Variants in FAM81A observed in about 807,000 individuals in gnomAD.
FAM81A encodes the protein protein FAM81A.
FAM81A carries 19 observed loss-of-function variants against 46.7 expected under a neutral mutation model. That is an observed-to-expected ratio of 0.41 (90% CI 0.28 to 0.60). The LOEUF (loss-of-function observed/expected upper bound fraction) is 0.60. FAM81A is among the 20% of genes least tolerant of loss of function. FAM81A has a pLI of 0.34. For synonymous variants in FAM81A, 183 were observed against 152.9 expected, an observed-to-expected ratio of 1.20 and a Z score of -1.45; for missense variants, 377 against 453.5, an observed-to-expected ratio of 0.83 and a Z score of 1.53.
chr15:59,497,748 A>T (rs2141778249), intron 4 of FAM81A, among the ~76,000 whole-genome samples: 1 of 152,242 alleles, frequency 6.6e-6, no homozygotes, highest in Admixed American at 6.5e-5. Flanking sequence ...TTAGCTGGGC[A>T]TGGTGGCACA....
chr15:59,521,552 T>C lies in FAM81A; in HGVS notation c.*174T>C, dbSNP rs2082328597. ...ACCTTGAGTCTTGAAAATACTCTTT[T>C]GTTAAAAGTATGAAATACAGTTTTT... On this transcript the variant is annotated 3_prime_UTR_variant, in exon 9 of 9. Coordinates refer to ENST00000288228, the MANE Select transcript of FAM81A (RefSeq NM_152450.3). 1.6e-6 allele frequency: 1 copy of C among 615,008 alleles called. No homozygotes were observed. Among genetic ancestry groups the C allele is most frequent in the Non-Finnish European group, 2.4e-6 (1 of 409,720 alleles). 38.1% of individuals were successfully genotyped at this position (615,008 alleles called of 1,614,324 possible). A position where few individuals can be genotyped will look rare whatever the true frequency, so the allele number is the denominator to read the frequency against.
At chr15:59,504,220 TAA>T (rs1312640544) in intron 4 of FAM81A, among the ~76,000 whole-genome samples, 2 of 152,154 alleles carry the variant, frequency 1.3e-5, no homozygotes, top group Non-Finnish European at 2.9e-5. Context: ...GAACTCAAAA[TAA>T]AAAATCAGGG....
upstream of FAM81A, among the ~76,000 whole-genome samples, chr15:59,435,190 G>A (rs1004510428): frequency 7.9e-5 from 12 of 152,304 alleles, no homozygotes; most frequent in African/African-American, 2.9e-4. Context: ...GGGAGGCTGA[G>A]GCGGGAGAAT....
intron 3 of FAM81A, among the ~76,000 whole-genome samples, chr15:59,475,231 G>A (rs933857006): frequency 6.0e-5 from 9 of 151,184 alleles, no homozygotes; most frequent in Non-Finnish European, 1.2e-4. Context: ...TGCAACCTCC[G>A]CCTCCCAGGT....
At chr15:59,486,799 A>T (rs1292565312) in intron 3 of FAM81A, among the ~76,000 whole-genome samples, 4 of 152,206 alleles carry the variant, frequency 2.6e-5, no homozygotes, top group African/African-American at 9.7e-5. Flanking sequence ...CTATACTTCA[A>T]ACTTGAAGGA....
chr15:59,404,647 G>A (rs140954949), intron 2 of FAM81A, among the ~76,000 whole-genome samples: 2 of 152,184 alleles, frequency 1.3e-5, no homozygotes, highest in East Asian at 3.9e-4. Context: ...TGTAGAGATG[G>A]AGTCTCACTA....
At chr15:59,445,593 C>T (rs2081346064) in intron 1 of FAM81A, 1 of 152,176 alleles carries the variant, frequency 6.6e-6, no homozygotes, top group African/African-American at 2.4e-5. Context: ...CCTCCTCTCT[C>T]TGAGTGTGTG....
intron 4 of FAM81A, among the ~76,000 whole-genome samples, chr15:59,501,700 T>C (rs1436411030): frequency 6.6e-6 from 1 of 152,170 alleles, no homozygotes; most frequent in African/African-American, 2.4e-5. Context: ...ATAGAGTCAC[T>C]CTGCCACCTG....
At chr15:59,459,676 T>C (rs2081527045) in intron 2 of FAM81A, among the ~76,000 whole-genome samples, 1 of 152,112 alleles carries the variant, frequency 6.6e-6, no homozygotes, top group African/African-American at 2.4e-5. Context: ...GACATCTCGG[T>C]GTACCCAACT....
At position 59,460,595 on chromosome 15, in the gene FAM81A, T is replaced by G; in HGVS notation, c.294+389T>G. ...ACTCTGTTGCTTCAGATTAAATGTT[T>G]CTAGGTCATAATGATTATATGTAAT... On this transcript the variant is annotated intron_variant, in intron 3 of 8. Coordinates refer to ENST00000288228, the MANE Select transcript of FAM81A (RefSeq NM_152450.3). The surrounding 1 kb of genome is among the most constrained non-coding windows in gnomAD (Gnocchi z 4.4). 2.9e-6 allele frequency: 1 copy of G among 345,260 alleles called. No individual in the cohort carries two copies. The highest frequency in any genetic ancestry group is 5.6e-6 in the Non-Finnish European group (1 of 178,724). The allele number at this position is 345,260 out of a possible 1,614,324, so 21.4% of individuals were successfully genotyped here.
chr15:59,399,575 A>G, intron 1 of FAM81A, among the ~76,000 whole-genome samples: 1 of 152,180 alleles, frequency 6.6e-6, no homozygotes, highest in East Asian at 1.9e-4. Context: ...GGGATGTACG[A>G]GAGGAGGAAG....
intron 1 of FAM81A, among the ~76,000 whole-genome samples, chr15:59,456,403 G>T (rs550014823): frequency 1.3e-5 from 2 of 152,246 alleles, no homozygotes; most frequent in African/African-American, 4.8e-5. Flanking sequence ...GGAAGTAGAG[G>T]TTGGAGTGTT....
At chr15:59,459,470 A>T (rs1247268426) in intron 2 of FAM81A, among the ~76,000 whole-genome samples, 2 of 152,136 alleles carry the variant, frequency 1.3e-5, no homozygotes, top group African/African-American at 4.8e-5. Context: ...TAGCTGGGAA[A>T]TGCCCTTTCC....
At chr15:59,468,090 G>A (rs1190143234) in intron 3 of FAM81A, among the ~76,000 whole-genome samples, 5 of 152,286 alleles carry the variant, frequency 3.3e-5, no homozygotes, top group African/African-American at 9.6e-5. Flanking sequence ...GCTTTTTGAT[G>A]TGCTGCTGGA....
rs139920130 is a variant in FAM81A, at chr15:59,484,020, G to A, written c.295-8251G>A. Among the ~76,000 whole-genome samples the A allele has an allele frequency of 4.6e-4, 70 of 152,246 alleles. 1 individual carries two copies. The highest frequency in any genetic ancestry group is 1.5e-3 in the African/African-American group (62 of 41,546). On this transcript the variant is annotated intron_variant, in intron 3 of 8. Coordinates refer to ENST00000288228, the MANE Select transcript of FAM81A (RefSeq NM_152450.3). ...GGAGACAGGCCCTGTGCTTCCCACTGGCTGCACCACCCGTCCACAAGCCCC... is the reference window on the plus strand; with the variant it reads ...GGAGACAGGCCCTGTGCTTCCCACTAGCTGCACCACCCGTCCACAAGCCCC...
intron 3 of FAM81A, among the ~76,000 whole-genome samples, chr15:59,489,090 C>G (rs769688954): frequency 2.0e-5 from 3 of 152,194 alleles, no homozygotes; most frequent in African/African-American, 7.2e-5. Context: ...ACGGAGAAAC[C>G]CCATCTCTAC....
At chr15:59,497,414 C>G (rs1448067424) in intron 4 of FAM81A, among the ~76,000 whole-genome samples, 1 of 152,004 alleles carries the variant, frequency 6.6e-6, no homozygotes, top group African/African-American at 2.4e-5. Flanking sequence ...CCACTGCACT[C>G]CAGCCTGGGC....
chr15:59,450,470 A>G (rs970206199), intron 1 of FAM81A, among the ~76,000 whole-genome samples: 1 of 152,110 alleles, frequency 6.6e-6, no homozygotes, highest in Admixed American at 6.5e-5. Flanking sequence ...CAGCTTTACT[A>G]GATATTCAAC....
At chr15:59,520,514 A>T (rs571432028) in intron 8 of FAM81A, among the ~76,000 whole-genome samples, 1 of 151,406 alleles carries the variant, frequency 6.6e-6, no homozygotes, top group Admixed American at 6.6e-5. Context: ...AAAGAATACC[A>T]GCCAGCCAGC....
Sources: gnomAD v4.1 joint callset for allele counts (sites outside exome capture counted in the v4.1 genomes callset) on GRCh38, gnomAD v4.1.1 for gene constraint, Gnocchi (gnomAD v3.1) non-coding constraint, MANE v1.5 for transcripts, NCBI Gene and HGNC (gene_info 2026-07-23, HGNC 2026-07-21) for gene names.